The following GRM7 variants were observed in gnomAD, a reference collection of about 807,000 sequenced individuals.
The protein encoded by GRM7 is metabotropic glutamate receptor 7.
GRM7 carries 35 observed loss-of-function variants against 84.5 expected under a neutral mutation model. That is an observed-to-expected ratio of 0.41 (90% confidence interval 0.32 to 0.55). The LOEUF is 0.55. Among genes scored for constraint, GRM7 ranks in the 20% least tolerant of loss-of-function variants. The probability of loss-of-function intolerance (pLI) is 0.19; values close to 1 mark genes in which losing one functional copy is unlikely to be tolerated. For synonymous variants in GRM7, 487 were observed against 455.1 expected, an observed-to-expected ratio of 1.07 and a Z score of -0.89; for missense variants, 1,003 against 1,194.6, an observed-to-expected ratio of 0.84 and a Z score of 2.36.
intron 9 of GRM7, among the ~76,000 whole-genome samples, chr3:7,700,638 T>G (rs17047828): frequency 0.018 from 2,788 of 152,328 alleles, 87 homozygotes; most frequent in African/African-American, 0.064. Flanking sequence ...AGTTGTAATT[T>G]CTGATTAAAC....
chr3:7,387,879 C>A (rs1694845984), intron 4 of GRM7, among the ~76,000 whole-genome samples: 2 of 151,974 alleles, frequency 1.3e-5, no homozygotes, highest in African/African-American at 4.8e-5. Context: ...TTGCTTTGGG[C>A]AGTTAGGAGA....
At chr3:7,234,938 T>A (rs1327458647) in intron 2 of GRM7, among the ~76,000 whole-genome samples, 2 of 152,210 alleles carry the variant, frequency 1.3e-5, no homozygotes, top group Non-Finnish European at 2.9e-5. Context: ...TACAACAGGC[T>A]TCTGCAAAAT....
chr3:7,510,072 A>T (rs1162959816), intron 7 of GRM7, among the ~76,000 whole-genome samples: 1 of 152,180 alleles, frequency 6.6e-6, no homozygotes, highest in South Asian at 2.1e-4. Context: ...TTAGATTTTA[A>T]TAGCTTATTC....
intron 1 of GRM7, among the ~76,000 whole-genome samples, chr3:7,019,853 C>G (rs1233627360): frequency 6.6e-6 from 1 of 152,176 alleles, no homozygotes; most frequent in Non-Finnish European, 1.5e-5. Context: ...TGAAAGGCTT[C>G]AGAAAAACAA....
intron 2 of GRM7, among the ~76,000 whole-genome samples, chr3:7,147,695 A>G (rs552517993): frequency 3.9e-5 from 6 of 152,272 alleles, no homozygotes; most frequent in East Asian, 1.9e-4. Context: ...ACTTGTTTAT[A>G]AATCTCATGT....
intron 5 of GRM7, among the ~76,000 whole-genome samples, chr3:7,432,570 C>T (rs1029999648): frequency 2.0e-5 from 3 of 151,966 alleles, no homozygotes; most frequent in African/African-American, 7.3e-5. Flanking sequence ...AATCTTCCCG[C>T]CTGTGCCTCC....
chr3:7,119,677 A>G (rs11714706), intron 1 of GRM7, among the ~76,000 whole-genome samples: 40,465 of 152,002 alleles, frequency 0.27, 6,302 homozygotes, highest in African/African-American at 0.44. Flanking sequence ...AATCCTGTAT[A>G]TTAAAGGATT....
At chr3:7,437,132 C>A (rs368287887) in intron 5 of GRM7, among the ~76,000 whole-genome samples, 2 of 152,152 alleles carry the variant, frequency 1.3e-5, no homozygotes, top group African/African-American at 4.8e-5. Flanking sequence ...AGTGGCAGAA[C>A]CAAAATTTGA....
At chr3:7,531,780 T>A (rs1219249618) in intron 7 of GRM7, among the ~76,000 whole-genome samples, 1 of 152,158 alleles carries the variant, frequency 6.6e-6, no homozygotes, top group South Asian at 2.1e-4. Context: ...CTCTTCCTAT[T>A]TGAATACCCT....
Position 7,699,933 on chromosome 3 carries a change from C to T in GRM7, c.2698+19638C>T, listed in dbSNP as rs538802263. ...GGCATAACTCTGAAACAAACATCTTCCCATCTAAGCTGCCTCGTCTGTCAA... is the reference window on the plus strand; with the variant it reads ...GGCATAACTCTGAAACAAACATCTTTCCATCTAAGCTGCCTCGTCTGTCAA... On this transcript the variant is annotated intron_variant, in intron 9 of 9. Coordinates refer to ENST00000357716, the MANE Select transcript of GRM7 (RefSeq NM_000844.4). Among the ~76,000 whole-genome samples the T allele has an allele frequency of 1.9e-4, 29 of 152,260 alleles. 2 individuals carry two copies. In the South Asian group the frequency reaches 5.0e-3, roughly 26 times the overall value.
intron 2 of GRM7, among the ~76,000 whole-genome samples, chr3:7,218,192 T>A (rs74728184): frequency 0.022 from 3,412 of 152,234 alleles, 110 homozygotes; most frequent in African/African-American, 0.078. Context: ...ACTATGCATG[T>A]GTAAATATTT....
At chr3:7,080,724 C>G (rs73029544) in intron 1 of GRM7, among the ~76,000 whole-genome samples, 25,126 of 151,610 alleles carry the variant, frequency 0.17, 2,274 homozygotes, top group South Asian at 0.22. Context: ...TGTATACATA[C>G]ATAAATTAAA....
intron 9 of GRM7, among the ~76,000 whole-genome samples, chr3:7,692,655 C>G (rs1040784238): frequency 1.3e-5 from 2 of 152,246 alleles, no homozygotes; most frequent in African/African-American, 4.8e-5. Context: ...TCCATTGAAG[C>G]AGGTCTTATT....
chr3:7,626,026 G>C (rs973592978), intron 8 of GRM7, among the ~76,000 whole-genome samples: 1 of 152,062 alleles, frequency 6.6e-6, no homozygotes, highest in African/African-American at 2.4e-5. Flanking sequence ...AACATGGGAG[G>C]CATGTTCTTA....
chr3:7,465,100 A>G (rs572443168), intron 7 of GRM7, among the ~76,000 whole-genome samples: 192 of 152,176 alleles, frequency 1.3e-3, no homozygotes, highest in African/African-American at 4.4e-3. Flanking sequence ...TATACTTTCG[A>G]TTTTTGTTTG....
intron 7 of GRM7, among the ~76,000 whole-genome samples, chr3:7,493,042 C>A (rs1699578835): frequency 6.6e-6 from 1 of 152,038 alleles, no homozygotes; most frequent in South Asian, 2.1e-4. Context: ...GAGCACTCTG[C>A]ATGATTTTAT....
At chr3:7,685,692 C>T (rs538807903) in intron 9 of GRM7, among the ~76,000 whole-genome samples, 2 of 150,400 alleles carry the variant, frequency 1.3e-5, no homozygotes, top group East Asian at 3.9e-4. Flanking sequence ...TTTGCATCTA[C>T]AATAAGGAAA....
At chr3:7,118,263 C>T (rs1468068077) in intron 1 of GRM7, among the ~76,000 whole-genome samples, 4 of 151,656 alleles carry the variant, frequency 2.6e-5, no homozygotes, top group Admixed American at 6.6e-5. Flanking sequence ...TGGTTGTATG[C>T]ATCTGTAGTC....
rs114292167 is a variant in GRM7, at chr3:7,406,170, A to G, written c.1034-8853A>G. 4.9e-3 allele frequency among the ~76,000 whole-genome samples: 741 copies of G among 151,946 alleles called. 7 individuals carry two copies. The highest frequency in any genetic ancestry group is 0.017 in the African/African-American group (724 of 41,372). ...TGGTTTTACATTTTCATTGTTCTAG[A>G]TAGTGCTCAAATGATTATCTTTAAT... On this transcript the variant is annotated intron_variant, in intron 4 of 9. Transcript: ENST00000357716.
Sources: allele counts gnomAD v4.1 joint callset (sites outside exome capture counted in the v4.1 genomes callset), GRCh38; gene constraint gnomAD v4.1.1; transcripts MANE v1.5; gene names NCBI Gene and HGNC (gene_info 2026-07-23, HGNC 2026-07-21).